Variants in HS3ST3A1 observed in about 807,000 individuals in gnomAD.
HS3ST3A1 encodes heparan sulfate-glucosamine 3-sulfotransferase 3A1.
In HS3ST3A1, 19 loss-of-function variants were observed where a neutral mutation model predicts 25.7. That is an observed-to-expected ratio of 0.74 (90% CI 0.52 to 1.08). The LOEUF is 1.08. Ranked by LOEUF, HS3ST3A1 falls within the 50% of genes least tolerant of loss-of-function variation. The probability of loss-of-function intolerance (pLI) is 0.00; values close to 1 mark genes in which losing one functional copy is unlikely to be tolerated. For missense variants in HS3ST3A1, 459 were observed against 594.3 expected, an observed-to-expected ratio of 0.77 and a Z score of 2.37; for synonymous variants, 226 against 278.6, an observed-to-expected ratio of 0.81 and a Z score of 1.88.
chr17:13,566,458 T>C (rs1442226803), intron 1 of HS3ST3A1, among the ~76,000 whole-genome samples: 1 of 152,164 alleles, frequency 6.6e-6, no homozygotes, highest in Non-Finnish European at 1.5e-5. Context: ...TACAACGTTA[T>C]AAATGTTCAA....
At chr17:13,497,889 T>C (rs1343912538) in intron 1 of HS3ST3A1, among the ~76,000 whole-genome samples, 2 of 152,192 alleles carry the variant, frequency 1.3e-5, no homozygotes, top group Non-Finnish European at 2.9e-5. Context: ...TTGTGATTAG[T>C]TTTTATTTCG....
chr17:13,570,205 T>C (rs1374362531), intron 1 of HS3ST3A1, among the ~76,000 whole-genome samples: 1 of 148,198 alleles, frequency 6.7e-6, no homozygotes, highest in Non-Finnish European at 1.5e-5. Context: ...ATGGAAGACG[T>C]AAATCGTACT....
At chr17:13,560,289 CAA>C (rs10632927) in intron 1 of HS3ST3A1, among the ~76,000 whole-genome samples, 125 of 17,320 alleles carry the variant, frequency 7.2e-3, no homozygotes, top group East Asian at 0.028. Context: ...CACTCGTCTC[CAA>C]AAAAAAAAAA....
chr17:13,500,804 A>T, intron 1 of HS3ST3A1, among the ~76,000 whole-genome samples: 1 of 152,244 alleles, frequency 6.6e-6, no homozygotes, highest in Non-Finnish European at 1.5e-5. Flanking sequence ...AAGGTAGGTT[A>T]TACACAGTTG....
intron 1 of HS3ST3A1, among the ~76,000 whole-genome samples, chr17:13,519,054 A>G (rs964104343): frequency 2.0e-5 from 3 of 152,270 alleles, no homozygotes; most frequent in African/African-American, 7.2e-5. Flanking sequence ...GATACATAAC[A>G]AATTATTAAC....
At chr17:13,560,445 C>T (rs929470729) in intron 1 of HS3ST3A1, among the ~76,000 whole-genome samples, 4 of 151,740 alleles carry the variant, frequency 2.6e-5, no homozygotes, top group African/African-American at 9.7e-5. Context: ...ATCATGACAT[C>T]TCACCTCAAA....
At position 13,495,094 on chromosome 17, in the gene HS3ST3A1, T is replaced by C. The variant is rs765150497; in HGVS notation, c.*1103A>G. Among the ~76,000 whole-genome samples, 2 of 151,822 alleles carry C rather than the reference T, an allele frequency of 1.3e-5. No homozygotes were observed. The highest frequency in any genetic ancestry group is 2.9e-5 in the Non-Finnish European group (2 of 67,954). On this transcript the variant is annotated 3_prime_UTR_variant, in exon 2 of 2. Coordinates refer to ENST00000284110, the MANE Select transcript of HS3ST3A1 (RefSeq NM_006042.3). Reference sequence around the variant, plus strand: ...TTTCTCTCTTTAAAAAGAGGTAAACTAAAAAACAAATGAGACTCATACCTG... The same window carrying C: ...TTTCTCTCTTTAAAAAGAGGTAAACCAAAAAACAAATGAGACTCATACCTG...
At chr17:13,527,122 C>A (rs574638422) in intron 1 of HS3ST3A1, among the ~76,000 whole-genome samples, 69 of 152,122 alleles carry the variant, frequency 4.5e-4, no homozygotes, top group Admixed American at 1.8e-3. Context: ...GGCTGCTATA[C>A]GTGGGAAACA....
At chr17:13,529,156 G>A (rs931065404) in intron 1 of HS3ST3A1, among the ~76,000 whole-genome samples, 3 of 152,066 alleles carry the variant, frequency 2.0e-5, no homozygotes, top group East Asian at 1.9e-4. Flanking sequence ...CTATGTAGGT[G>A]GTTTCCTTGA....
chr17:13,558,307 A>G (rs1353693863), intron 1 of HS3ST3A1, among the ~76,000 whole-genome samples: 1 of 152,038 alleles, frequency 6.6e-6, no homozygotes, highest in East Asian at 1.9e-4. Flanking sequence ...ACAAACAAAA[A>G]TTGGATGTGC....
rs772077905 is a variant in HS3ST3A1 at position 13,601,068 on chromosome 17, A to T, written c.62T>A (p.Ile21Asn). Residue 21 changes from isoleucine to asparagine, a missense_variant, in exon 1 of 2, where the codon ATC becomes AAC. Physicochemically the swap from Ile to Asn is moderately radical, Grantham distance 149. This residue lies in a region of HS3ST3A1 where 346 missense variants were observed against 303.9 expected (regional missense o/e 1.14). Transcript: ENST00000284110. ...GAGCATCAGCAAGAACTTCCGGAAGATGCTGCGGGACAGCGGCTCGGCCGA... is the reference window on the plus strand; with the variant it reads ...GAGCATCAGCAAGAACTTCCGGAAGTTGCTGCGGGACAGCGGCTCGGCCGA... ...STSAEPLSRS[I>N]FRKFLLMLCS... 2 of 1,598,544 alleles carry T rather than the reference A, an allele frequency of 1.3e-6. No homozygotes were observed. The highest frequency in any genetic ancestry group is 1.7e-6 in the Non-Finnish European group (2 of 1,173,466).
intron 1 of HS3ST3A1, among the ~76,000 whole-genome samples, chr17:13,512,319 A>AAAAAAAC (rs1567610929): frequency 2.7e-5 from 4 of 150,926 alleles, no homozygotes; most frequent in South Asian, 2.1e-4. Context: ...AAAAAAAAAA[A>AAAAAAAC]AAAAAAAACT....
intron 1 of HS3ST3A1, among the ~76,000 whole-genome samples, chr17:13,583,729 A>T (rs1325704769): frequency 1.3e-5 from 2 of 152,262 alleles, no homozygotes; most frequent in African/African-American, 4.8e-5. Context: ...CACTCCACTT[A>T]TTTTAAATAA....
At chr17:13,526,180 T>C (rs1284111622) in intron 1 of HS3ST3A1, among the ~76,000 whole-genome samples, 2 of 151,948 alleles carry the variant, frequency 1.3e-5, no homozygotes, top group Non-Finnish European at 2.9e-5. Flanking sequence ...GTATCTGAGC[T>C]CTGGGGTTTG....
At chr17:13,598,280 C>T (rs1474771249) in intron 1 of HS3ST3A1, among the ~76,000 whole-genome samples, 2 of 151,782 alleles carry the variant, frequency 1.3e-5, no homozygotes, top group East Asian at 3.9e-4. Flanking sequence ...TTTTCATAGA[C>T]GAGCCTTCAG....
chr17:13,541,492 A>G lies in HS3ST3A1; in HGVS notation c.600-44674T>C, dbSNP rs1906931418. On this transcript the variant is annotated intron_variant, in intron 1 of 1. Transcript: ENST00000284110. ...ACATTGGGAATGGAAGGGCCAGTTG[A>G]TACAATCACCCTGTCCACCTTCCCA... Among the ~76,000 whole-genome samples the G allele has an allele frequency of 2.0e-5, 3 of 152,120 alleles. No homozygotes were observed. The South Asian group carries it at 6.2e-4, about 32-fold the overall frequency.
At chr17:13,541,453 C>G (rs1242626071) in intron 1 of HS3ST3A1, among the ~76,000 whole-genome samples, 1 of 152,118 alleles carries the variant, frequency 6.6e-6, no homozygotes, top group Admixed American at 6.5e-5. Context: ...CTGTCTCACT[C>G]GCTCTTGGTA....
At position 13,567,898 on chromosome 17, in the gene HS3ST3A1, A is replaced by G. The variant is rs559704556; in HGVS notation, c.599+32633T>C. ...GACAACAAAGGATTTAGAATGTTAC[A>G]TAAACTTAGTAGATAAAACAGCAGC... On this transcript the variant is annotated intron_variant, in intron 1 of 1. Transcript: ENST00000284110. 4.6e-5 allele frequency among the ~76,000 whole-genome samples: 7 copies of G among 152,392 alleles called. No homozygotes were observed. The South Asian group carries it at 1.4e-3, about 32-fold the overall frequency.
At chr17:13,504,889 C>T (rs1905608031) in intron 1 of HS3ST3A1, among the ~76,000 whole-genome samples, 1 of 152,150 alleles carries the variant, frequency 6.6e-6, no homozygotes, top group South Asian at 2.1e-4. Flanking sequence ...ACTATGAGCA[C>T]AGTGGTGTGC....
Sources: allele counts gnomAD v4.1 joint callset (sites outside exome capture counted in the v4.1 genomes callset), GRCh38; gene constraint gnomAD v4.1.1; regional missense constraint gnomAD v4.1.1; transcripts MANE v1.5; gene names NCBI Gene and HGNC (gene_info 2026-07-23, HGNC 2026-07-21).